The following MAP3K2 variants were observed in gnomAD, a reference collection of about 807,000 sequenced individuals.
MAP3K2 encodes the protein MAP/ERK kinase kinase 2.
MAP3K2 carries 24 observed loss-of-function variants against 80.3 expected under a neutral mutation model. The ratio of observed to expected loss-of-function variants is 0.30; its 90% CI spans 0.22 to 0.42. MAP3K2 has a LOEUF of 0.42. Among genes scored for constraint, MAP3K2 ranks in the 10% least tolerant of loss-of-function variants. The pLI is 1.00. For missense variants in MAP3K2, 608 were observed against 750.1 expected (o/e 0.81, Z 2.21); for synonymous variants, 244 against 253.7 (o/e 0.96, Z 0.36).
intron 1 of MAP3K2, among the ~76,000 whole-genome samples, chr2:127,378,689 G>GA (rs1019019856): frequency 3.9e-5 from 6 of 152,112 alleles, no homozygotes; most frequent in African/African-American, 9.7e-5. Context: ...AGACTAGGAG[G>GA]AAAAAATCAT....
chr2:127,377,532 T>C (rs72848617), intron 1 of MAP3K2, among the ~76,000 whole-genome samples: 5,512 of 152,202 alleles, frequency 0.036, 130 homozygotes, highest in Middle Eastern at 0.071. Flanking sequence ...GTGGAGGCAG[T>C]GGGAATGTTA....
chr2:127,367,735 G>A (rs949503724), intron 1 of MAP3K2, among the ~76,000 whole-genome samples: 1 of 152,170 alleles, frequency 6.6e-6, no homozygotes, highest in East Asian at 1.9e-4. Context: ...GGACGTTGTG[G>A]TGAGCCAAGA....
intron 13 of MAP3K2, 27 bp from the exon 14 acceptor site, chr2:127,317,787 C>A: frequency 1.3e-6 from 2 of 1,581,858 alleles, no homozygotes; most frequent in East Asian, 2.3e-5. Flanking sequence ...ATTGTTAAGT[C>A]TTCAACAATG....
At chr2:127,347,683 A>G (rs1686622693) in intron 1 of MAP3K2, among the ~76,000 whole-genome samples, 1 of 152,154 alleles carries the variant, frequency 6.6e-6, no homozygotes, top group Non-Finnish European at 1.5e-5. Flanking sequence ...TACAGATTCA[A>G]TGAACTCTCT....
intron 1 of MAP3K2, among the ~76,000 whole-genome samples, chr2:127,346,410 TAAAA>T (rs70985447): frequency 4.2e-5 from 4 of 96,348 alleles, no homozygotes; most frequent in East Asian, 2.6e-4. Context: ...AAACTGGTTT[TAAAA>T]AAAAAAAAAA....
chr2:127,308,671 T>A lies in MAP3K2; in HGVS notation c.1548A>T (p.Thr516=). 6.2e-7 allele frequency: 1 copy of A among 1,613,984 alleles called. No individual in the cohort carries two copies. The highest frequency in any genetic ancestry group is 8.5e-7 in the Non-Finnish European group (1 of 1,179,866). Residue 516 remains threonine, a synonymous_variant, in exon 16 of 17, where the codon ACA becomes ACT. Coordinates refer to ENST00000682094, the MANE Select transcript of MAP3K2 (RefSeq NM_001371910.2). ...GTGTGCCCGTGACAGACTTCATTCC[T>A]GTCCCTGAGAGACAGATGGTCTGAA... ...KRLQTICLSG[T]GMKSVTGTPY...
At chr2:127,366,458 AT>A (rs1686973923) in intron 1 of MAP3K2, among the ~76,000 whole-genome samples, 2 of 152,118 alleles carry the variant, frequency 1.3e-5, no homozygotes, top group Admixed American at 1.3e-4. Context: ...TTAGTTAGAA[AT>A]GTGAAGATTG....
Position 127,387,495 on chromosome 2 carries a change from G to T in MAP3K2, c.-109C>A. Reference sequence around the variant, plus strand: ...GTAGAGAGCCGCAGGCCCAAGGAGGGGCCGCCCCCGCCGAGCCCGCCCCTC... The same window carrying T: ...GTAGAGAGCCGCAGGCCCAAGGAGGTGCCGCCCCCGCCGAGCCCGCCCCTC... On this transcript the variant is annotated 5_prime_UTR_variant, in exon 1 of 17. Coordinates refer to ENST00000682094, the MANE Select transcript of MAP3K2 (RefSeq NM_001371910.2). The T allele has an allele frequency of 1.0e-6, 1 of 985,100 alleles. No individual in the cohort carries two copies. Among genetic ancestry groups the T allele is most frequent in the African/African-American group, 1.7e-5 (1 of 57,256 alleles). 61.0% of individuals were successfully genotyped at this position (985,100 alleles called of 1,614,324 possible). A position where few individuals can be genotyped will look rare whatever the true frequency, so the allele number is the denominator to read the frequency against.
Position 127,347,737 on chromosome 2 carries a change from TC to T in MAP3K2, c.-65-4544del, listed in dbSNP as rs771902519. Among the ~76,000 whole-genome samples the T allele has an allele frequency of 7.6e-4, 115 of 152,078 alleles. 1 individual carries two copies. The highest frequency in any genetic ancestry group is 1.3e-3 in the Non-Finnish European group (86 of 68,026). ...TCTTTTAGCAGAAACGGAAAACTGATCCTTAAATTCATATGAAACTGCAATA... is the reference window on the plus strand; with the variant it reads ...TCTTTTAGCAGAAACGGAAAACTGATCTTAAATTCATATGAAACTGCAATA... On this transcript the variant is annotated intron_variant, in intron 1 of 16. Coordinates refer to ENST00000682094, the MANE Select transcript of MAP3K2 (RefSeq NM_001371910.2).
At chr2:127,314,482 T>C (rs181444513) in intron 15 of MAP3K2, among the ~76,000 whole-genome samples, 1 of 152,298 alleles carries the variant, frequency 6.6e-6, no homozygotes, top group Non-Finnish European at 1.5e-5. Context: ...TCTATCCTAA[T>C]ACCTATGCAA....
intron 14 of MAP3K2, 104 bp downstream of exon 14, chr2:127,317,525 C>T: frequency 4.2e-6 from 4 of 952,122 alleles, no homozygotes; most frequent in Non-Finnish European, 4.4e-6. Flanking sequence ...CCAAAATGTC[C>T]TTAACTAGGG....
At chr2:127,319,673 A>AAAAAAAAAAAAAG (rs1558975361) in intron 12 of MAP3K2, among the ~76,000 whole-genome samples, 3 of 142,496 alleles carry the variant, frequency 2.1e-5, no homozygotes, top group African/African-American at 8.0e-5. Context: ...AAAAAAAAAA[A>AAAAAAAAAAAAAG]AAAAAGAAAA....
chr2:127,357,961 G>T (rs1686823138), intron 1 of MAP3K2, among the ~76,000 whole-genome samples: 1 of 151,476 alleles, frequency 6.6e-6, no homozygotes. Context: ...TATCTTAAAA[G>T]AAAAAAATGC....
rs2104842118 is a variant in MAP3K2, at chr2:127,337,790, T to C, written c.124-12A>G. 6.7e-7 allele frequency: 1 copy of C among 1,498,314 alleles called. No homozygotes were observed. The allele number at this position is 1,498,314 out of a possible 1,614,324, so 92.8% of individuals were successfully genotyped here. On this transcript the variant is annotated splice_polypyrimidine_tract_variant and intron_variant, in intron 3 of 16. Transcript: ENST00000682094. ...ACTCGGACATCATTCTGTAATGAAA[T>C]GACAAATCAGTCTTTCAGAGATTAG...
chr2:127,308,653 C>T lies in MAP3K2; in HGVS notation c.1566G>A (p.Thr522=), dbSNP rs375482969. 30 of 1,613,802 alleles carry T rather than the reference C, an allele frequency of 1.9e-5. No homozygotes were observed. The highest frequency in any genetic ancestry group is 5.3e-5 in the African/African-American group (4 of 75,000). Reference sequence around the variant, plus strand: ...CAGGGCTCATCCAGTATGGTGTGCCCGTGACAGACTTCATTCCTGTCCCTG... The same window carrying T: ...CAGGGCTCATCCAGTATGGTGTGCCTGTGACAGACTTCATTCCTGTCCCTG... ...CLSGTGMKSV[T]GTPYWMSPEV... is the part of the protein sequence containing the mutation. The change falls in exon 16 of 17, where the codon ACG becomes ACA. Residue 522 remains threonine, a synonymous_variant. Coordinates refer to ENST00000682094, the MANE Select transcript of MAP3K2 (RefSeq NM_001371910.2).
chr2:127,342,066 C>A (rs1454523276), intron 2 of MAP3K2, among the ~76,000 whole-genome samples: 1 of 152,054 alleles, frequency 6.6e-6, no homozygotes, highest in East Asian at 1.9e-4. Context: ...GAATGTTGCC[C>A]TACTATAGAG....
At chr2:127,377,659 G>A (rs1306956049) in intron 1 of MAP3K2, among the ~76,000 whole-genome samples, 2 of 152,176 alleles carry the variant, frequency 1.3e-5, no homozygotes, top group East Asian at 1.9e-4. Context: ...GTTTAAAAAT[G>A]TAATATGAAT....
At chr2:127,375,734 C>G (rs975963031) in intron 1 of MAP3K2, among the ~76,000 whole-genome samples, 1 of 152,106 alleles carries the variant, frequency 6.6e-6, no homozygotes, top group Non-Finnish European at 1.5e-5. Context: ...TTTGGCCCAT[C>G]CTCTAAATCC....
At chr2:127,357,693 T>C (rs1232694043) in intron 1 of MAP3K2, among the ~76,000 whole-genome samples, 2 of 152,208 alleles carry the variant, frequency 1.3e-5, no homozygotes, top group Non-Finnish European at 2.9e-5. Flanking sequence ...CATATATACA[T>C]GACCAGTTAA....
Sources: allele counts gnomAD v4.1 joint callset (sites outside exome capture counted in the v4.1 genomes callset), GRCh38; gene constraint gnomAD v4.1.1; transcripts MANE v1.5; gene names NCBI Gene and HGNC (gene_info 2026-07-23, HGNC 2026-07-21).